The following ANKS1B variants were observed in gnomAD, a reference collection of about 807,000 sequenced individuals.
ANKS1B encodes the protein ankyrin repeat and sterile alpha motif domain-containing protein 1B.
Under a neutral mutation model 148.3 loss-of-function variants are expected in ANKS1B, and 36 were observed. The observed-to-expected ratio is 0.24, with a 90% CI of 0.19 to 0.32. ANKS1B has a LOEUF of 0.32. Among genes scored for constraint, ANKS1B ranks in the 10% least tolerant of loss-of-function variants. ANKS1B has a pLI of 1.00. For missense variants in ANKS1B, 1,157 were observed against 1,542.6 expected (o/e 0.75, Z 4.19); for synonymous variants, 542 against 560.8 (o/e 0.97, Z 0.47).
intron 8 of ANKS1B, among the ~76,000 whole-genome samples, chr12:99,660,345 ATCTT>A (rs999152248): frequency 6.8e-6 from 1 of 148,096 alleles, no homozygotes; most frequent in Non-Finnish European, 1.5e-5. Context: ...GCCTACCTTT[ATCTT>A]TCTTTTTCTT....
At chr12:99,058,892 C>T (rs972729887) in intron 16 of ANKS1B, among the ~76,000 whole-genome samples, 7 of 151,048 alleles carry the variant, frequency 4.6e-5, no homozygotes, top group Non-Finnish European at 8.8e-5. Context: ...CGCCCGCTAC[C>T]ACGCCCGGCT....
chr12:99,814,920 GT>G (rs1037413527), intron 2 of ANKS1B, among the ~76,000 whole-genome samples: 10 of 151,716 alleles, frequency 6.6e-5, no homozygotes, highest in African/African-American at 2.4e-4. Flanking sequence ...AGCAAAAGAA[GT>G]TAGTCAAATT....
chr12:99,792,822 A>G (rs142233175), intron 4 of ANKS1B, among the ~76,000 whole-genome samples: 3 of 152,092 alleles, frequency 2.0e-5, no homozygotes, highest in African/African-American at 7.2e-5. Flanking sequence ...TGTTACTCAA[A>G]ATAGAACTGG....
intron 17 of ANKS1B, among the ~76,000 whole-genome samples, chr12:98,908,000 C>T (rs10860380): frequency 0.39 from 59,331 of 151,970 alleles, 12,838 homozygotes; most frequent in Middle Eastern, 0.56. Context: ...ATAAATTACC[C>T]GGTCTCAGGT....
At chr12:99,507,716 AT>A (rs1234847166) in intron 9 of ANKS1B, among the ~76,000 whole-genome samples, 11 of 151,962 alleles carry the variant, frequency 7.2e-5, no homozygotes, top group Non-Finnish European at 1.3e-4. Flanking sequence ...AAAAACGAAG[AT>A]AGTGAAACAA....
intron 1 of ANKS1B, among the ~76,000 whole-genome samples, chr12:99,914,364 G>C (rs1242999062): frequency 6.6e-6 from 1 of 152,182 alleles, no homozygotes; most frequent in African/African-American, 2.4e-5. Context: ...TGTGTTACAG[G>C]AAGGAGGAAG....
chr12:99,648,064 C>T (rs2098388759), intron 9 of ANKS1B: 12 of 1,447,178 alleles, frequency 8.3e-6, no homozygotes, highest in African/African-American at 1.4e-5. Flanking sequence ...GCCTGCAGAA[C>T]ACGACTGCTG....
At chr12:99,068,215 G>A (rs900098734) in intron 16 of ANKS1B, among the ~76,000 whole-genome samples, 5 of 151,970 alleles carry the variant, frequency 3.3e-5, no homozygotes, top group African/African-American at 1.2e-4. Flanking sequence ...TGAAATACAT[G>A]CAAATAAAGT....
rs1023333061 is a variant in ANKS1B, at chr12:99,662,132, G to A, written c.1129-6922C>T. ...TTAAGCCATTATTATTATTTTAGATGTTTTTGTTATTTGCTATTGTGTCAA... is the reference window on the plus strand; with the variant it reads ...TTAAGCCATTATTATTATTTTAGATATTTTTGTTATTTGCTATTGTGTCAA... On this transcript the variant is annotated intron_variant, in intron 8 of 26. Transcript: ENST00000683438. 1.7e-4 allele frequency among the ~76,000 whole-genome samples: 26 copies of A among 152,098 alleles called. 2 individuals are homozygous for A. Among genetic ancestry groups the A allele is most frequent in the Admixed American group, 1.3e-3 (20 of 15,274 alleles).
intron 1 of ANKS1B, among the ~76,000 whole-genome samples, chr12:99,959,609 T>C (rs1476439659): frequency 1.3e-5 from 2 of 152,222 alleles, no homozygotes; most frequent in Admixed American, 6.5e-5. Context: ...TGCTTGCTAA[T>C]ATAAGGACAT....
At chr12:99,582,361 CAG>C (rs982148940) in intron 9 of ANKS1B, among the ~76,000 whole-genome samples, 1 of 151,276 alleles carries the variant, frequency 6.6e-6, no homozygotes, top group African/African-American at 2.4e-5. Flanking sequence ...AAAAAAAAGA[CAG>C]AGATGAAAAC....
At chr12:98,771,761 G>A (rs2098583054) in intron 25 of ANKS1B, among the ~76,000 whole-genome samples, 2 of 152,164 alleles carry the variant, frequency 1.3e-5, no homozygotes, top group Non-Finnish European at 2.9e-5. Context: ...TTTCAGGTGT[G>A]AGCCACTGAG....
intron 12 of ANKS1B, among the ~76,000 whole-genome samples, chr12:99,282,415 T>A (rs1043672993): frequency 2.6e-5 from 4 of 152,174 alleles, no homozygotes; most frequent in African/African-American, 9.7e-5. Flanking sequence ...TGGTTTTCAC[T>A]GATTTAAGAG....
intron 17 of ANKS1B, among the ~76,000 whole-genome samples, chr12:99,044,686 G>C (rs1000520535): frequency 6.6e-6 from 1 of 152,164 alleles, no homozygotes; most frequent in African/African-American, 2.4e-5. Context: ...AGCTCCCAGC[G>C]TAACTCTGGG....
At chr12:99,743,622 T>C (rs967326102) in intron 8 of ANKS1B, among the ~76,000 whole-genome samples, 1 of 152,210 alleles carries the variant, frequency 6.6e-6, no homozygotes, top group African/African-American at 2.4e-5. Context: ...TTTCAAGTTA[T>C]ATGTAACTTT....
At position 99,286,799 on chromosome 12, in the gene ANKS1B, G is replaced by A. The variant is rs368875029; in HGVS notation, c.1757-39935C>T. Among the ~76,000 whole-genome samples the A allele has an allele frequency of 1.8e-4, 27 of 152,284 alleles. No individual in the cohort carries two copies. The South Asian group carries it at 5.0e-3, about 28-fold the overall frequency. On this transcript the variant is annotated intron_variant, in intron 12 of 26. Coordinates refer to ENST00000683438, the MANE Select transcript of ANKS1B (RefSeq NM_001352186.2). The stretch of plus-strand genomic sequence containing the variant: ...TCACTGTGAGCCTAGAACAGTGGTG[G>A]CCACAGCGAGAGACTTCTTCTGCAT...
intron 1 of ANKS1B, among the ~76,000 whole-genome samples, chr12:99,863,921 T>C (rs2090389190): frequency 6.6e-6 from 1 of 151,322 alleles, no homozygotes; most frequent in Non-Finnish European, 1.5e-5. Flanking sequence ...ATACAGAAAT[T>C]AGCTGGGCGT....
At chr12:99,074,462 C>T (rs968303310) in intron 16 of ANKS1B, among the ~76,000 whole-genome samples, 12 of 152,132 alleles carry the variant, frequency 7.9e-5, no homozygotes, top group Non-Finnish European at 1.6e-4. Flanking sequence ...CGTGCTCTCA[C>T]GCCCAGCAGT....
At chr12:99,178,049 T>C (rs1160967673) in intron 14 of ANKS1B, among the ~76,000 whole-genome samples, 1 of 152,206 alleles carries the variant, frequency 6.6e-6, no homozygotes, top group East Asian at 1.9e-4. Context: ...GCAGTGTTTT[T>C]CTATTTTTCA....
Sources: allele counts gnomAD v4.1 joint callset (sites outside exome capture counted in the v4.1 genomes callset), GRCh38; gene constraint gnomAD v4.1.1; transcripts MANE v1.5; gene names NCBI Gene and HGNC (gene_info 2026-07-23, HGNC 2026-07-21).